The following PDE5A variants were observed in gnomAD, a reference collection of about 807,000 sequenced individuals.
The protein encoded by PDE5A is phosphodiesterase 5A.
A neutral mutation model predicts 110.2 loss-of-function variants in PDE5A; 67 were observed. The ratio of observed to expected loss-of-function variants is 0.61; its 90% CI spans 0.50 to 0.75. The LOEUF is 0.75. PDE5A is among the 30% of genes least tolerant of loss of function. The probability of loss-of-function intolerance (pLI) is 0.00; values close to 1 mark genes in which losing one functional copy is unlikely to be tolerated. For missense variants in PDE5A, 862 were observed against 1,045.1 expected (o/e 0.82, Z 2.42); for synonymous variants, 328 against 351.2 (o/e 0.93, Z 0.74).
In PDE5A at chr4:119,562,930, T is replaced by C; in HGVS notation, c.1034A>G (p.Gln345Arg). 1 of 1,601,734 alleles carries C rather than the reference T, an allele frequency of 6.2e-7. No homozygotes were observed. The highest frequency in any genetic ancestry group is 8.5e-7 in the Non-Finnish European group (1 of 1,175,786). The stretch of plus-strand genomic sequence containing the variant: ...TTTCTTCAAAATTACTTCTAATGAT[T>C]GTTGTTCTTCAAAAATTAAACTAGC... ...DLASLIFEEQ[Q>R]SLEVILKKIA... The change falls in exon 6 of 21, where the codon CAA (glutamine) becomes CGA (arginine). Residue 345 changes from glutamine to arginine, a missense_variant. Physicochemically the swap from Gln to Arg is conservative, Grantham distance 43. Transcript: ENST00000354960.
At chr4:119,608,200 T>C (rs1029633619) in intron 1 of PDE5A, among the ~76,000 whole-genome samples, 5 of 152,214 alleles carry the variant, frequency 3.3e-5, no homozygotes, top group Admixed American at 6.5e-5. Context: ...TCTATTTTTC[T>C]AGATTATCTA....
Position 119,627,192 on chromosome 4 carries a change from T to TC in PDE5A, c.152+1327dup. The TC allele has an allele frequency of 6.2e-7, 1 of 1,612,704 alleles. No homozygotes were observed. The highest frequency in any genetic ancestry group is 8.5e-7 in the Non-Finnish European group (1 of 1,179,286). ...GGGCAACATAGCAAACGTGGGAAGT[T>TC]CGTTTTCGAACTCCGCCGATCCTGG... On this transcript the variant is annotated intron_variant, in intron 1 of 20. Transcript: ENST00000354960. The surrounding 1 kb of genome is among the most constrained non-coding windows in gnomAD (Gnocchi z 4.6).
At chr4:119,570,668 G>A (rs1728108681) in intron 3 of PDE5A, among the ~76,000 whole-genome samples, 1 of 152,082 alleles carries the variant, frequency 6.6e-6, no homozygotes, top group African/African-American at 2.4e-5. Context: ...ATAAGCAGCT[G>A]CCCCAGACAT....
Position 119,627,087 on chromosome 4 carries a change from C to G in PDE5A, c.152+1433G>C. The G allele has an allele frequency of 1.9e-6, 3 of 1,604,106 alleles. No homozygotes were observed. In the South Asian group the frequency reaches 3.3e-5, roughly 18 times the overall value. On this transcript the variant is annotated intron_variant, in intron 1 of 20. Coordinates refer to ENST00000354960, the MANE Select transcript of PDE5A (RefSeq NM_001083.4). The surrounding 1 kb of genome is among the most constrained non-coding windows in gnomAD (Gnocchi z 4.6). ...CCACCGGGGCGCCACCACCCAGCAC[C>G]CGAGACCCGCCGCGCCCCCGGAAAA...
At chr4:119,500,584 C>T (rs996608037) in intron 20 of PDE5A, among the ~76,000 whole-genome samples, 47 of 151,914 alleles carry the variant, frequency 3.1e-4, no homozygotes, top group Admixed American at 9.2e-4. Flanking sequence ...AAAACATTTC[C>T]GTTTAAACCT....
chr4:119,586,221 T>C (rs1464393854), intron 3 of PDE5A, among the ~76,000 whole-genome samples: 1 of 152,234 alleles, frequency 6.6e-6, no homozygotes, highest in African/African-American at 2.4e-5. Flanking sequence ...TCATTTTCAC[T>C]CCATTTCATT....
At chr4:119,614,684 A>G (rs1205922749) in intron 1 of PDE5A, among the ~76,000 whole-genome samples, 1 of 152,184 alleles carries the variant, frequency 6.6e-6, no homozygotes, top group Non-Finnish European at 1.5e-5. Context: ...TTGCTCTAAA[A>G]CCATCCCACA....
intron 2 of PDE5A, among the ~76,000 whole-genome samples, chr4:119,605,679 AC>A (rs1370499312): frequency 6.6e-6 from 1 of 151,568 alleles, no homozygotes; most frequent in Non-Finnish European, 1.5e-5. Flanking sequence ...TATCTTTCCC[AC>A]TAGATGTCCT....
At chr4:119,605,322 G>A (rs568910838) in intron 2 of PDE5A, among the ~76,000 whole-genome samples, 14 of 151,772 alleles carry the variant, frequency 9.2e-5, no homozygotes, top group South Asian at 2.1e-4. Context: ...CAAATTTTCC[G>A]GGATCTGTAC....
intron 11 of PDE5A, chr4:119,526,948 T>G (rs531255739): frequency 6.6e-6 from 1 of 151,680 alleles, no homozygotes; most frequent in Admixed American, 6.6e-5. Context: ...ATTTAAAATG[T>G]TTAGATAAAG....
At chr4:119,572,743 T>C (rs1289159851) in intron 3 of PDE5A, among the ~76,000 whole-genome samples, 1 of 152,182 alleles carries the variant, frequency 6.6e-6, no homozygotes, top group East Asian at 1.9e-4. Context: ...CCTGTATTTC[T>C]AAAAGTTCTC....
intron 9 of PDE5A, chr4:119,543,201 A>C (rs2110487748): frequency 6.6e-6 from 1 of 152,314 alleles, no homozygotes; most frequent in South Asian, 2.1e-4. Context: ...GATTCTGCAA[A>C]TAATTATGCA....
At chr4:119,623,679 T>C (rs576006839) in intron 1 of PDE5A, among the ~76,000 whole-genome samples, 2 of 152,260 alleles carry the variant, frequency 1.3e-5, no homozygotes, top group South Asian at 2.1e-4. Flanking sequence ...AAAAGGAAAT[T>C]TGGTTGCATA....
intron 9 of PDE5A, among the ~76,000 whole-genome samples, chr4:119,551,199 T>C (rs149441939): frequency 1.8e-4 from 27 of 152,316 alleles, no homozygotes; most frequent in African/African-American, 6.5e-4. Context: ...ATAGTATCAA[T>C]GTTCAAAAAG....
At chr4:119,541,155 G>T (rs1326701410) in intron 10 of PDE5A, among the ~76,000 whole-genome samples, 1 of 151,756 alleles carries the variant, frequency 6.6e-6, no homozygotes, top group African/African-American at 2.4e-5. Flanking sequence ...GTATGTGAGG[G>T]CTTATTAAGC....
At chr4:119,573,344 T>C (rs1305876485) in intron 3 of PDE5A, among the ~76,000 whole-genome samples, 1 of 152,230 alleles carries the variant, frequency 6.6e-6, no homozygotes, top group Non-Finnish European at 1.5e-5. Context: ...CAGCATCTGG[T>C]GTTATCAGAC....
intron 1 of PDE5A, among the ~76,000 whole-genome samples, chr4:119,609,208 T>G (rs1445259641): frequency 6.6e-6 from 1 of 152,156 alleles, no homozygotes; most frequent in Non-Finnish European, 1.5e-5. Flanking sequence ...AAATTTTAAA[T>G]GTATGTATCC....
chr4:119,561,149 A>G (rs55803624), intron 6 of PDE5A, among the ~76,000 whole-genome samples: 3 of 152,308 alleles, frequency 2.0e-5, no homozygotes, highest in Admixed American at 1.3e-4. Context: ...AAGAAAAAAA[A>G]TTTTTTAAAT....
chr4:119,620,180 T>C (rs1245695060), intron 1 of PDE5A, among the ~76,000 whole-genome samples: 1 of 152,200 alleles, frequency 6.6e-6, no homozygotes, highest in Non-Finnish European at 1.5e-5. Flanking sequence ...AGACTATTAT[T>C]AAACAAAACG....
Sources: allele counts gnomAD v4.1 joint callset (sites outside exome capture counted in the v4.1 genomes callset), GRCh38; gene constraint gnomAD v4.1.1; non-coding constraint Gnocchi (gnomAD v3.1); transcripts MANE v1.5; gene names NCBI Gene and HGNC (gene_info 2026-07-23, HGNC 2026-07-21).